Variants in SARDH observed in about 807,000 individuals in gnomAD.
The protein encoded by SARDH is sarcosine dehydrogenase.
SARDH carries 95 observed loss-of-function variants against 109.1 expected under a neutral mutation model. That is an observed-to-expected ratio of 0.87 (90% CI 0.74 to 1.03). The LOEUF (loss-of-function observed/expected upper bound fraction) is 1.03. Among genes scored for constraint, SARDH ranks in the 50% least tolerant of loss-of-function variants. The pLI is 0.00. For synonymous variants in SARDH, 572 were observed against 534.8 expected (o/e 1.07, Z -0.96); for missense variants, 1,267 against 1,287.8 (o/e 0.98, Z 0.25).
Position 133,730,306 on chromosome 9 carries a change from C to T in SARDH, c.691-119G>A. 2.2e-6 allele frequency: 3 copies of T among 1,354,258 alleles called. No individual in the cohort carries two copies. In the South Asian group the frequency reaches 4.1e-5, roughly 19 times the overall value. 83.9% of individuals were successfully genotyped at this position (1,354,258 alleles called of 1,614,324 possible). A position where few individuals can be genotyped will look rare whatever the true frequency, so the allele number is the denominator to read the frequency against. The stretch of plus-strand genomic sequence containing the variant: ...CTGGGGACACTATTTCTGCCAGCAG[C>T]AGGTCCCCTGCGACACTGTCAGGGA... On this transcript the variant is annotated intron_variant, in intron 4 of 20. Transcript: ENST00000439388.
chr9:133,673,757 G>A (rs986180788), intron 17 of SARDH, among the ~76,000 whole-genome samples: 2 of 152,164 alleles, frequency 1.3e-5, no homozygotes, highest in African/African-American at 4.8e-5. Flanking sequence ...GAGGAGCTCG[G>A]GGCTCAAAAC....
Position 133,676,596 on chromosome 9 carries a change from G to A in SARDH, c.2164-4899C>T, listed in dbSNP as rs80322262. Among the ~76,000 whole-genome samples, 97 of 152,328 alleles carry A rather than the reference G, an allele frequency of 6.4e-4. 1 individual carries two copies. The East Asian group carries it at 0.017, about 26-fold the overall frequency. The stretch of plus-strand genomic sequence containing the variant: ...AGGAACAGAGGTGCCAGGGGAGGCC[G>A]GGGGGTGTAGACACAGAGATGGGAA... On this transcript the variant is annotated intron_variant, in intron 17 of 20. Transcript: ENST00000439388.
intron 6 of SARDH, chr9:133,725,394 T>G (rs1236490654): frequency 3.5e-6 from 1 of 289,388 alleles, no homozygotes; most frequent in Admixed American, 4.8e-5. Context: ...CATAATCAGC[T>G]AAGCATGGTG....
rs1219882194 is a variant in SARDH at position 133,692,887 on chromosome 9, G to A, written c.1921+1371C>T. Reference sequence around the variant, plus strand: ...AGGAGGGAAGGGGTGGGCGAGCTCTGCGCACCCCATAGGACCCCTCACTCA... The same window carrying A: ...AGGAGGGAAGGGGTGGGCGAGCTCTACGCACCCCATAGGACCCCTCACTCA... On this transcript the variant is annotated intron_variant, in intron 15 of 20. Transcript: ENST00000439388. This position sits in a 1 kb window ranked among gnomAD's most constrained non-coding sequence, Gnocchi z 5.0. 6.6e-6 allele frequency among the ~76,000 whole-genome samples: 1 copy of A among 152,118 alleles called. No homozygotes were observed. The highest frequency in any genetic ancestry group is 2.4e-5 in the African/African-American group (1 of 41,414).
intron 4 of SARDH, 133 bp from the exon 5 acceptor site, chr9:133,730,320 C>T: frequency 1.7e-6 from 2 of 1,169,066 alleles, no homozygotes; most frequent in South Asian, 1.5e-5. Context: ...TCCCCTGCGA[C>T]ACTGTCAGGG....
intron 20 of SARDH, among the ~76,000 whole-genome samples, 156 bp from the exon 21 acceptor site, chr9:133,664,170 C>T (rs984030713): frequency 2.0e-5 from 3 of 152,220 alleles, no homozygotes; most frequent in Non-Finnish European, 2.9e-5. Flanking sequence ...CCAGGCATTG[C>T]CCCAGAGCAG....
In SARDH at chr9:133,709,471, C is replaced by T. The variant is rs675713; in HGVS notation, c.1329-1043G>A. Among the ~76,000 whole-genome samples, 45 of 151,868 alleles carry T rather than the reference C, an allele frequency of 3.0e-4. No individual in the cohort carries two copies. Among genetic ancestry groups the T allele is most frequent in the Non-Finnish European group, 5.9e-4 (40 of 67,988 alleles). On this transcript the variant is annotated intron_variant, in intron 10 of 20. Coordinates refer to ENST00000439388, the MANE Select transcript of SARDH (RefSeq NM_001134707.2). This position sits in a 1 kb window ranked among gnomAD's most constrained non-coding sequence, Gnocchi z 4.2. ...GGCTTTCCCAGCACCCCGCCTCCCC[C>T]TCACGCTCCACCTGCTAGAACCTCA...
At chr9:133,660,402 A>G (rs1215162176), downstream of SARDH, among the ~76,000 whole-genome samples, 2 of 152,150 alleles carry the variant, frequency 1.3e-5, no homozygotes, top group Non-Finnish European at 2.9e-5. Context: ...ACCTCTGCTT[A>G]CTTAGGAAAC....
At chr9:133,706,132 C>T (rs779279459) in intron 11 of SARDH, among the ~76,000 whole-genome samples, 34 of 152,330 alleles carry the variant, frequency 2.2e-4, no homozygotes, top group African/African-American at 7.2e-4. Context: ...GAACTGAGAG[C>T]GGGGTTGTAA....
chr9:133,696,357 T>C lies in SARDH; in HGVS notation c.1673A>G (p.Lys558Arg), dbSNP rs1286531038. Reference sequence around the variant, plus strand: ...CCCTCTGCAGGCCAGGCACTCCTTCTTGATCTGAAAAGTTCCAGACAGGTG... The same window carrying C: ...CCCTCTGCAGGCCAGGCACTCCTTCCTGATCTGAAAAGTTCCAGACAGGTG... The part of the protein sequence containing the change: ...FAFPPHHDTI[K>R]KECLACRGAA... Residue 558 changes from lysine (K) to arginine (R), a missense_variant, in exon 14 of 21, where the codon AAG (lysine) becomes AGG (arginine). Coordinates refer to ENST00000439388, the MANE Select transcript of SARDH (RefSeq NM_001134707.2). 1 of 1,614,044 alleles carries C rather than the reference T, an allele frequency of 6.2e-7. No individual in the cohort carries two copies. Among genetic ancestry groups the C allele is most frequent in the South Asian group, 1.1e-5 (1 of 91,086 alleles).
chr9:133,736,908 TC>T (rs1196277265), intron 1 of SARDH, among the ~76,000 whole-genome samples: 1 of 152,260 alleles, frequency 6.6e-6, no homozygotes, highest in Non-Finnish European at 1.5e-5. Context: ...AAAGTCAGCA[TC>T]CTTTTTCAAG....
At chr9:133,691,785 CAG>C (rs1460944643) in intron 15 of SARDH, among the ~76,000 whole-genome samples, 2 of 152,166 alleles carry the variant, frequency 1.3e-5, no homozygotes, top group African/African-American at 4.8e-5. Flanking sequence ...ATAACTCAAA[CAG>C]TGCAGTTTTG....
At position 133,717,404 on chromosome 9, in the gene SARDH, T is replaced by C. The variant is rs767136747; in HGVS notation, c.1072A>G (p.Thr358Ala). The change falls in exon 8 of 21, where the codon ACC becomes GCC. Residue 358 changes from threonine (T) to alanine (A), a missense_variant. Transcript: ENST00000439388. ...TTGATGGCGCCTTCAATGTGCTGGG[T>C]GAACACCTCCCAGTCCAGGTCAAAG... ...GLFDLDWEVF[T>A]QHIEGAINRV... 6.2e-7 allele frequency: 1 copy of C among 1,614,112 alleles called. No individual in the cohort carries two copies. The highest frequency in any genetic ancestry group is 8.5e-7 in the Non-Finnish European group (1 of 1,179,986).
rs184356876 is a variant in SARDH, at chr9:133,690,284, C to G, written c.2069+96G>C. On this transcript the variant is annotated intron_variant, in intron 16 of 20. Coordinates refer to ENST00000439388, the MANE Select transcript of SARDH (RefSeq NM_001134707.2). The stretch of plus-strand genomic sequence containing the variant: ...CAGAGCGCTTAACTATTCAGAATGG[C>G]CCATTCTGGACAAGCTGTTCTGCCC... The G allele has an allele frequency of 4.9e-6, 7 of 1,416,228 alleles. No homozygotes were observed. The South Asian group carries it at 8.8e-5, about 18-fold the overall frequency. The allele number at this position is 1,416,228 out of a possible 1,614,324, so 87.7% of individuals were successfully genotyped here. A position where few individuals can be genotyped will look rare whatever the true frequency, so the allele number is the denominator to read the frequency against.
chr9:133,660,009 G>A (rs374314306), downstream of SARDH, among the ~76,000 whole-genome samples: 1 of 152,222 alleles, frequency 6.6e-6, no homozygotes, highest in East Asian at 1.9e-4. Context: ...GAGCGGCAGT[G>A]ATTGGGAATC....
At position 133,686,437 on chromosome 9, in the gene SARDH, C is replaced by A. The variant is rs535345841; in HGVS notation, c.2070-1151G>T. On this transcript the variant is annotated intron_variant, in intron 16 of 20. Transcript: ENST00000439388. This position sits in a 1 kb window ranked among gnomAD's most constrained non-coding sequence, Gnocchi z 4.0. Reference sequence around the variant, plus strand: ...TGTCACCTCCCCCAGGAAGCCCTCCCTGACTCCCTAGGTCTTGGGCAGGTA... The same window carrying A: ...TGTCACCTCCCCCAGGAAGCCCTCCATGACTCCCTAGGTCTTGGGCAGGTA... 6.6e-6 allele frequency among the ~76,000 whole-genome samples: 1 copy of A among 152,128 alleles called. No homozygotes were observed. Among genetic ancestry groups the A allele is most frequent in the Non-Finnish European group, 1.5e-5 (1 of 68,006 alleles).
chr9:133,695,297 G>T (rs1831243327), intron 14 of SARDH, among the ~76,000 whole-genome samples: 1 of 152,154 alleles, frequency 6.6e-6, no homozygotes, highest in East Asian at 1.9e-4. Context: ...AGAAAAAATA[G>T]TTGGGCATGG....
chr9:133,711,668 C>T (rs943611041), intron 10 of SARDH, among the ~76,000 whole-genome samples: 3 of 152,118 alleles, frequency 2.0e-5, no homozygotes, highest in African/African-American at 4.8e-5. Context: ...TCAGCAGAGG[C>T]GAGGGGCGCA....
At chr9:133,733,642 C>G (rs1832760640) in intron 2 of SARDH, among the ~76,000 whole-genome samples, 1 of 152,234 alleles carries the variant, frequency 6.6e-6, no homozygotes, top group African/African-American at 2.4e-5. Flanking sequence ...CTGCTCCCTC[C>G]TCCCACCACA....
Sources: gnomAD v4.1 joint callset for allele counts (sites outside exome capture counted in the v4.1 genomes callset) on GRCh38, gnomAD v4.1.1 for gene constraint, Gnocchi (gnomAD v3.1) non-coding constraint, MANE v1.5 for transcripts, NCBI Gene and HGNC (gene_info 2026-07-23, HGNC 2026-07-21) for gene names.